The following DNAH14 variants were observed in gnomAD, a reference collection of about 807,000 sequenced individuals.
The protein encoded by DNAH14 is dynein axonemal heavy chain 14.
Under a neutral mutation model 520.9 loss-of-function variants are expected in DNAH14, and 478 were observed. The ratio of observed to expected loss-of-function variants is 0.92; its 90% CI spans 0.85 to 0.99. DNAH14 has a LOEUF of 0.99. Among genes scored for constraint, DNAH14 ranks in the 50% least tolerant of loss-of-function variants. The pLI is 0.00. For synonymous variants in DNAH14, 1,581 were observed against 1,757.2 expected (o/e 0.90, Z 2.51); for missense variants, 4,831 against 5,234.5 (o/e 0.92, Z 2.38).
intron 15 of DNAH14, among the ~76,000 whole-genome samples, chr1:225,047,988 A>G (rs1375728156): frequency 3.9e-5 from 6 of 152,192 alleles, no homozygotes; most frequent in African/African-American, 1.2e-4. Context: ...ACAAGTGCAC[A>G]GGTACATATC....
chr1:225,269,087 G>C (rs1353645506), intron 49 of DNAH14, among the ~76,000 whole-genome samples: 3 of 152,136 alleles, frequency 2.0e-5, no homozygotes, highest in Non-Finnish European at 4.4e-5. Flanking sequence ...TATACTACAA[G>C]GCTACCGTAA....
chr1:225,171,498 G>T (rs1306533381), intron 36 of DNAH14, among the ~76,000 whole-genome samples: 1 of 152,140 alleles, frequency 6.6e-6, no homozygotes, highest in Admixed American at 6.5e-5. Context: ...ACACCTCTAT[G>T]CAAATAACCT....
At chr1:225,205,554 A>G (rs2087440140) in intron 39 of DNAH14, among the ~76,000 whole-genome samples, 1 of 152,196 alleles carries the variant, frequency 6.6e-6, no homozygotes, top group African/African-American at 2.4e-5. Flanking sequence ...CAAATATAGT[A>G]TACTTTAAAC....
intron 1 of DNAH14, among the ~76,000 whole-genome samples, chr1:224,941,394 A>G (rs2059408605): frequency 6.6e-6 from 1 of 151,834 alleles, no homozygotes; most frequent in African/African-American, 2.4e-5. Context: ...AATTTGTTTG[A>G]CTTCATTGTA....
At chr1:225,156,277 T>A (rs188806819) in intron 34 of DNAH14, among the ~76,000 whole-genome samples, 2 of 152,318 alleles carry the variant, frequency 1.3e-5, no homozygotes, top group East Asian at 3.9e-4. Flanking sequence ...GGCTGCCTTA[T>A]AAAGTTATGA....
intron 17 of DNAH14, among the ~76,000 whole-genome samples, chr1:225,053,693 ATAAAGT>A (rs1022557812): frequency 6.6e-6 from 1 of 152,170 alleles, no homozygotes; most frequent in Non-Finnish European, 1.5e-5. Flanking sequence ...AAGGTATAAG[ATAAAGT>A]TAATTATGTT....
At chr1:225,157,717 A>C (rs1470880157) in intron 34 of DNAH14, among the ~76,000 whole-genome samples, 1 of 152,144 alleles carries the variant, frequency 6.6e-6, no homozygotes, top group Admixed American at 6.6e-5. Context: ...GGCCATTGTC[A>C]TTCCCTAGGA....
At chr1:224,934,246 T>G (rs2058883367) in intron 1 of DNAH14, among the ~76,000 whole-genome samples, 1 of 152,002 alleles carries the variant, frequency 6.6e-6, no homozygotes, top group Non-Finnish European at 1.5e-5. Context: ...AGAATCTCAG[T>G]GACATACAAG....
In DNAH14 at chr1:225,007,464, C is replaced by T. The variant is rs1448387800; in HGVS notation, c.1027C>T (p.Gln343Ter). The change falls in exon 10 of 86, where the codon CAG becomes TAG. Residue 343 changes from glutamine to a stop codon, truncating the protein, a stop_gained. Coordinates refer to ENST00000682510, the MANE Select transcript of DNAH14 (RefSeq NM_001367479.1). LOFTEE classifies it high-confidence loss of function. ...SLDEFCEEQL[Q>*]QATQALKQLE... is the part of the protein sequence containing the mutation. ...AGATGAATTTTGTGAAGAGCAGTTA[C>T]AGCAAGCTACCCAGGCATTGAAACA... 1 of 1,541,430 alleles carries T rather than the reference C, an allele frequency of 6.5e-7. No individual in the cohort carries two copies. Among genetic ancestry groups the T allele is most frequent in the Non-Finnish European group, 8.8e-7 (1 of 1,141,166 alleles).
intron 37 of DNAH14, among the ~76,000 whole-genome samples, chr1:225,191,065 A>AT (rs150915660): frequency 0.017 from 2,557 of 151,960 alleles, 61 homozygotes; most frequent in East Asian, 0.053. Context: ...TTATGCATTT[A>AT]TTTTTTTAAT....
At chr1:225,269,290 A>C (rs1453843747) in intron 49 of DNAH14, among the ~76,000 whole-genome samples, 1 of 152,228 alleles carries the variant, frequency 6.6e-6, no homozygotes, top group African/African-American at 2.4e-5. Flanking sequence ...AGAAAGCTGA[A>C]ACTGGATCCC....
rs1371979428 is a variant in DNAH14 at position 225,080,395 on chromosome 1, T to A, written c.2783T>A (p.Leu928Gln). Residue 928 changes from leucine (L) to glutamine (Q), a missense_variant, in exon 19 of 86, where the codon CTG becomes CAG. Transcript: ENST00000682510. Reference sequence around the variant, plus strand: ...ATTTTTTAGATAAGAACTCCTCTTCTGTTATGTGCTGGTACTCAAGTGTCA... The same window carrying A: ...ATTTTTTAGATAAGAACTCCTCTTCAGTTATGTGCTGGTACTCAAGTGTCA... ...NLKAKIRTPLLLCAGTQVSTA... is the reference protein window; with the variant it reads ...NLKAKIRTPLQLCAGTQVSTA... 5.2e-6 allele frequency: 8 copies of A among 1,536,306 alleles called. No individual in the cohort carries two copies. Among genetic ancestry groups the A allele is most frequent in the Non-Finnish European group, 7.0e-6 (8 of 1,140,548 alleles).
intron 9 of DNAH14, among the ~76,000 whole-genome samples, chr1:225,005,245 T>C (rs1244634473): frequency 6.6e-6 from 1 of 152,190 alleles, no homozygotes; most frequent in Non-Finnish European, 1.5e-5. Context: ...AATAAAAATG[T>C]AAATATTTGT....
At position 225,051,664 on chromosome 1, in the gene DNAH14, C is replaced by A; in HGVS notation, c.2293C>A (p.Arg765Ser). ...RHIVNMAIEK[R>S]IGIFNVVSLD... ...TATTGTGAATATGGCCATTGAGAAG[C>A]GTATTGGTATTTTCAACGTTGTAAG... Residue 765 changes from arginine (R) to serine (S), a missense_variant, in exon 17 of 86, where the codon CGT becomes AGT. Transcript: ENST00000682510. The A allele has an allele frequency of 6.4e-7, 1 of 1,550,656 alleles. No homozygotes were observed. Among genetic ancestry groups the A allele is most frequent in the Non-Finnish European group, 8.7e-7 (1 of 1,146,420 alleles).
intron 73 of DNAH14, among the ~76,000 whole-genome samples, chr1:225,358,023 C>T (rs1270619419): frequency 1.3e-5 from 2 of 152,138 alleles, no homozygotes; most frequent in Non-Finnish European, 2.9e-5. Flanking sequence ...GATTTGTATT[C>T]TAATTGCTTA....
intron 10 of DNAH14, among the ~76,000 whole-genome samples, chr1:225,015,797 T>C (rs539391689): frequency 1.1e-4 from 16 of 152,278 alleles, no homozygotes; most frequent in Non-Finnish European, 2.2e-4. Flanking sequence ...CTCACCAGAC[T>C]ATGGAGGATT....
At position 225,324,716 on chromosome 1, in the gene DNAH14, T is replaced by G; in HGVS notation, c.9628-21T>G. On this transcript the variant is annotated intron_variant, in intron 63 of 85. Transcript: ENST00000682510. ...AAACCCGACGTTTTTGACACTTAAA[T>G]GTTCTGACATTCTCTTTAAGGTTGT... 7 of 1,541,634 alleles carry G rather than the reference T, an allele frequency of 4.5e-6. 1 individual carries two copies. In the South Asian group the frequency reaches 7.3e-5, roughly 16 times the overall value.
intron 83 of DNAH14, among the ~76,000 whole-genome samples, chr1:225,391,396 C>G (rs2095910775): frequency 6.6e-6 from 1 of 152,138 alleles, no homozygotes; most frequent in Non-Finnish European, 1.5e-5. Flanking sequence ...TGCTTGAGCC[C>G]AGGAGGTCGA....
At chr1:225,332,631 T>C (rs2094823340) in intron 65 of DNAH14, among the ~76,000 whole-genome samples, 1 of 152,078 alleles carries the variant, frequency 6.6e-6, no homozygotes, top group Non-Finnish European at 1.5e-5. Context: ...ATATGGGTTG[T>C]TGTTGCTGTT....
Sources: gnomAD v4.1 joint callset for allele counts (sites outside exome capture counted in the v4.1 genomes callset) on GRCh38, gnomAD v4.1.1 for gene constraint, MANE v1.5 for transcripts, NCBI Gene and HGNC (gene_info 2026-07-23, HGNC 2026-07-21) for gene names.